The following HDAC9 variants were observed in gnomAD, a reference collection of about 807,000 sequenced individuals.
HDAC9 encodes the protein histone deacetylase 9, also known as MEF-2 interacting transcription repressor (MITR) protein.
HDAC9 carries 41 observed loss-of-function variants against 139.4 expected under a neutral mutation model. The observed-to-expected ratio is 0.29, with a 90% confidence interval of 0.23 to 0.38. The LOEUF (loss-of-function observed/expected upper bound fraction) is 0.38, where lower values mean the gene tolerates loss of function less well. Ranked by LOEUF, HDAC9 falls within the 10% of genes least tolerant of loss-of-function variation. The pLI is 1.00. For synonymous variants in HDAC9, 517 were observed against 476.2 expected, an observed-to-expected ratio of 1.09 and a Z score of -1.12; for missense variants, 1,147 against 1,297.0, an observed-to-expected ratio of 0.88 and a Z score of 1.78.
chr7:18,438,449 A>T (rs1018391368), intron 1 of HDAC9, among the ~76,000 whole-genome samples: 1 of 152,162 alleles, frequency 6.6e-6, no homozygotes, highest in Non-Finnish European at 1.5e-5. Flanking sequence ...GACTTTTTAG[A>T]ATCAATGTAT....
At chr7:18,482,076 C>CATAT (rs1448842929) in intron 1 of HDAC9, among the ~76,000 whole-genome samples, 3 of 152,030 alleles carry the variant, frequency 2.0e-5, no homozygotes, top group Non-Finnish European at 4.4e-5. Context: ...TGCCTTGAGG[C>CATAT]ATGATCATTC....
chr7:18,459,102 A>G (rs1158046657), intron 1 of HDAC9, among the ~76,000 whole-genome samples: 1 of 152,156 alleles, frequency 6.6e-6, no homozygotes, highest in African/African-American at 2.4e-5. Context: ...GCAGGTTACC[A>G]GCAGGTTACC....
chr7:18,977,973 G>C (rs568206211), intron 25 of HDAC9, among the ~76,000 whole-genome samples: 2 of 151,190 alleles, frequency 1.3e-5, no homozygotes, highest in East Asian at 1.9e-4. Context: ...AAGAGAGAGA[G>C]AGAATGCTCT....
chr7:18,600,961 G>A (rs1833784829), intron 6 of HDAC9, among the ~76,000 whole-genome samples: 1 of 152,020 alleles, frequency 6.6e-6, no homozygotes, highest in Non-Finnish European at 1.5e-5. Context: ...ACACCAACAT[G>A]CCTGGCTAAT....
chr7:18,431,094 C>T (rs1386234169), intron 1 of HDAC9, among the ~76,000 whole-genome samples: 4 of 152,134 alleles, frequency 2.6e-5, no homozygotes, highest in Non-Finnish European at 5.9e-5. Flanking sequence ...TCCTACTCAG[C>T]CCATCCCATC....
chr7:18,989,030 G>T (rs557529519), intron 25 of HDAC9, among the ~76,000 whole-genome samples: 103 of 109,600 alleles, frequency 9.4e-4, no homozygotes, highest in African/African-American at 3.5e-3. Flanking sequence ...TTGCCAGTCT[G>T]TGTCTTTTAA....
At chr7:18,450,277 C>G (rs765754881) in intron 1 of HDAC9, among the ~76,000 whole-genome samples, 8 of 152,194 alleles carry the variant, frequency 5.3e-5, no homozygotes, top group Non-Finnish European at 1.2e-4. Flanking sequence ...GTGCCTGGTT[C>G]TAATTATTAC....
Position 18,954,036 on chromosome 7 carries a change from TC to T in HDAC9, c.2938-109del, listed in dbSNP as rs918227570. ...ATATCAGCAAAATGTTAACTAGTTC[TC>T]GGAGCAAGCTTTTCCTGAGGATTAG... On this transcript the variant is annotated intron_variant, in intron 23 of 25. Transcript: ENST00000686413. 1.3e-4 allele frequency: 91 copies of T among 720,738 alleles called. No individual in the cohort carries two copies. In the African/African-American group the frequency reaches 1.4e-3, roughly 11 times the overall value. 44.6% of individuals were successfully genotyped at this position (720,738 alleles called of 1,614,324 possible).
chr7:18,357,573 A>G (rs536405554), intron 1 of HDAC9, among the ~76,000 whole-genome samples: 5 of 151,864 alleles, frequency 3.3e-5, no homozygotes, highest in South Asian at 2.1e-4. Flanking sequence ...ATAACAATAC[A>G]TAATTACAGA....
chr7:18,820,763 G>A (rs1794905466), intron 17 of HDAC9, among the ~76,000 whole-genome samples: 1 of 152,110 alleles, frequency 6.6e-6, no homozygotes, highest in African/African-American at 2.4e-5. Context: ...TGGGGAGTGG[G>A]GAGGAGGACA....
intron 1 of HDAC9, among the ~76,000 whole-genome samples, chr7:18,330,327 G>T (rs1800819647): frequency 6.6e-6 from 1 of 151,350 alleles, no homozygotes; most frequent in Non-Finnish European, 1.5e-5. Context: ...AAACTTGTTA[G>T]TTCACATTTA....
At position 18,415,807 on chromosome 7, in the gene HDAC9, G is replaced by T. The variant is rs541139903; in HGVS notation, c.-41-80455G>T. On this transcript the variant is annotated intron_variant, in intron 1 of 3. Transcript: ENST00000413509. ...ATAACTGAGTATCTATATATGTTTT[G>T]CAGATTTCAAGTATGGGATTACTAT... Among the ~76,000 whole-genome samples the T allele has an allele frequency of 2.2e-3, 330 of 152,172 alleles. 1 individual carries two copies. The highest frequency in any genetic ancestry group is 5.0e-3 in the South Asian group (24 of 4,818).
chr7:18,112,581 AG>A (rs1783700030), intron 1 of HDAC9, among the ~76,000 whole-genome samples: 1 of 152,216 alleles, frequency 6.6e-6, no homozygotes, highest in South Asian at 2.1e-4. Flanking sequence ...AGAACCTACC[AG>A]GTTTGGTAAG....
At chr7:18,510,068 TCA>T (rs1801005435) in intron 2 of HDAC9, among the ~76,000 whole-genome samples, 1 of 152,192 alleles carries the variant, frequency 6.6e-6, no homozygotes, top group Non-Finnish European at 1.5e-5. Flanking sequence ...AAATTACTCC[TCA>T]GTTTCTTTGT....
At chr7:18,410,889 T>C (rs1489838727) in intron 1 of HDAC9, among the ~76,000 whole-genome samples, 1 of 152,232 alleles carries the variant, frequency 6.6e-6, no homozygotes, top group Non-Finnish European at 1.5e-5. Flanking sequence ...TTCACCATTT[T>C]AATGAGGGTT....
At chr7:18,216,593 A>G (rs1270750217) in intron 2 of HDAC9, among the ~76,000 whole-genome samples, 1 of 152,160 alleles carries the variant, frequency 6.6e-6, no homozygotes, top group Admixed American at 6.6e-5. Context: ...GCATGCAGGG[A>G]TAGGTTCTGT....
intron 21 of HDAC9, among the ~76,000 whole-genome samples, chr7:18,844,327 T>C (rs1451278952): frequency 6.6e-6 from 1 of 152,138 alleles, no homozygotes; most frequent in Non-Finnish European, 1.5e-5. Flanking sequence ...CTTACCAAAA[T>C]GGCATTTGTC....
At chr7:18,653,963 A>C (rs1306368600) in intron 11 of HDAC9, among the ~76,000 whole-genome samples, 1 of 152,090 alleles carries the variant, frequency 6.6e-6, no homozygotes, top group Non-Finnish European at 1.5e-5. Flanking sequence ...GCTTGTGGTC[A>C]CATACAAACA....
intron 1 of HDAC9, among the ~76,000 whole-genome samples, chr7:18,343,785 CAT>C (rs1429120315): frequency 3.3e-5 from 5 of 151,728 alleles, no homozygotes; most frequent in African/African-American, 1.2e-4. Context: ...CTCAAGAAAA[CAT>C]TATTTTCTTA....
Sources: allele counts gnomAD v4.1 joint callset (sites outside exome capture counted in the v4.1 genomes callset), GRCh38; gene constraint gnomAD v4.1.1; transcripts MANE v1.5; gene names NCBI Gene and HGNC (gene_info 2026-07-23, HGNC 2026-07-21).